Variants in KCNH1 observed in about 807,000 individuals in gnomAD.
KCNH1 encodes voltage-gated delayed rectifier potassium channel KCNH1.
A neutral mutation model predicts 69.2 loss-of-function variants in KCNH1; 27 were observed. That is an observed-to-expected ratio of 0.39 (90% CI 0.29 to 0.54). The LOEUF is 0.54. KCNH1 is among the 20% of genes least tolerant of loss of function. The pLI is 0.68. For synonymous variants in KCNH1, 456 were observed against 487.7 expected, an observed-to-expected ratio of 0.93 and a Z score of 0.86; for missense variants, 798 against 1,261.6, an observed-to-expected ratio of 0.63 and a Z score of 5.57.
At chr1:211,081,175 C>T (rs1349569888) in intron 5 of KCNH1, among the ~76,000 whole-genome samples, 3 of 152,218 alleles carry the variant, frequency 2.0e-5, no homozygotes, top group African/African-American at 4.8e-5. Flanking sequence ...ACAGACACTT[C>T]TCAAACGAAG....
At chr1:210,699,775 A>G (rs1681729625) in intron 10 of KCNH1, among the ~76,000 whole-genome samples, 1 of 152,256 alleles carries the variant, frequency 6.6e-6, no homozygotes, top group South Asian at 2.1e-4. Flanking sequence ...TAACCTAACC[A>G]GATGAGTATA....
At chr1:211,016,349 C>T (rs1468955392) in intron 6 of KCNH1, among the ~76,000 whole-genome samples, 1 of 152,084 alleles carries the variant, frequency 6.6e-6, no homozygotes, top group Non-Finnish European at 1.5e-5. Flanking sequence ...TATAGTTCTG[C>T]CAATTTTTAA....
intron 1 of KCNH1, among the ~76,000 whole-genome samples, chr1:211,107,932 G>A (rs1691388307): frequency 2.6e-5 from 4 of 152,168 alleles, no homozygotes; most frequent in Admixed American, 2.6e-4. Flanking sequence ...CCTTGGTGAG[G>A]AATAGTAACT....
chr1:210,859,917 G>T lies in KCNH1; in HGVS notation c.1463-55751C>A, dbSNP rs184093410. On this transcript the variant is annotated intron_variant, in intron 7 of 10. Coordinates refer to ENST00000271751, the MANE Select transcript of KCNH1 (RefSeq NM_172362.3). ...TAATAGGTATGCATTATAATGTAAAGCTGCAATTGCAACTTGCATACCCAT... is the reference window on the plus strand; with the variant it reads ...TAATAGGTATGCATTATAATGTAAATCTGCAATTGCAACTTGCATACCCAT... 1.3e-5 allele frequency: 18 copies of T among 1,412,178 alleles called. No individual in the cohort carries two copies. In the East Asian group the frequency reaches 3.9e-4, roughly 30 times the overall value. The allele number at this position is 1,412,178 out of a possible 1,614,324, so 87.5% of individuals were successfully genotyped here.
intron 6 of KCNH1, among the ~76,000 whole-genome samples, chr1:210,995,900 T>C (rs911877870): frequency 6.6e-6 from 1 of 152,120 alleles, no homozygotes; most frequent in Non-Finnish European, 1.5e-5. Flanking sequence ...GGGGGCTGAA[T>C]AGAAAAATAT....
chr1:210,808,547 AT>A (rs1016256373), intron 7 of KCNH1, among the ~76,000 whole-genome samples: 1 of 151,574 alleles, frequency 6.6e-6, no homozygotes, highest in Non-Finnish European at 1.5e-5. Context: ...CCCTTCCTTA[AT>A]TTTTTTTCCT....
At chr1:210,861,925 T>A in intron 7 of KCNH1, 1 of 768,820 alleles carries the variant, frequency 1.3e-6, no homozygotes, top group Non-Finnish European at 2.4e-6. Flanking sequence ...GCTTGGATAA[T>A]CACGTTTGGT....
rs771683654 is a variant in KCNH1, at chr1:210,920,082, G to A, written c.1033-13C>T. The A allele has an allele frequency of 6.8e-6, 11 of 1,607,582 alleles. No homozygotes were observed. The highest frequency in any genetic ancestry group is 9.4e-6 in the Non-Finnish European group (11 of 1,176,076). ...GGCTGCTGATGCCCTGGGAGAAGAG[G>A]AACACAGCGTCAGGGCCAAAGAACC... On this transcript the variant is annotated splice_polypyrimidine_tract_variant and intron_variant, in intron 6 of 10. Transcript: ENST00000271751.
chr1:210,948,596 G>T (rs767337993), intron 6 of KCNH1, among the ~76,000 whole-genome samples: 1 of 152,078 alleles, frequency 6.6e-6, no homozygotes, highest in Admixed American at 6.6e-5. Context: ...TTGGGAGGCT[G>T]AGGCGGGCGG....
intron 5 of KCNH1, among the ~76,000 whole-genome samples, chr1:211,077,889 G>C (rs567577035): frequency 1.3e-5 from 2 of 151,700 alleles, no homozygotes; most frequent in South Asian, 4.2e-4. Context: ...ACACATATAG[G>C]CTCAAAATAA....
At chr1:210,942,756 C>G (rs1316201847) in intron 6 of KCNH1, among the ~76,000 whole-genome samples, 2 of 150,846 alleles carry the variant, frequency 1.3e-5, no homozygotes, top group East Asian at 3.9e-4. Context: ...GTCGGTTTCA[C>G]CTGATAAGGT....
chr1:210,873,651 C>A (rs889950640), intron 7 of KCNH1, among the ~76,000 whole-genome samples: 2 of 152,172 alleles, frequency 1.3e-5, no homozygotes, highest in Non-Finnish European at 2.9e-5. Context: ...AGGCATGAGC[C>A]ACCAGGCCCA....
At position 211,107,395 on chromosome 1, in the gene KCNH1, A is replaced by AC. The variant is rs1553380349; in HGVS notation, c.80-19_80-18insG. ...ATTAGTATCTGTTAAAAAAAAAAAA[A>AC]AGGGAAAAAAGGGCACATGAGGCAA... On this transcript the variant is annotated intron_variant, in intron 1 of 10. Transcript: ENST00000271751. The AC allele has an allele frequency of 0.1, 153,019 of 1,484,900 alleles. 2,536 individuals carry two copies. The highest frequency in any genetic ancestry group is 0.15 in the Admixed American group (8,074 of 54,230). The allele number at this position is 1,484,900 out of a possible 1,614,324, so 92.0% of individuals were successfully genotyped here.
chr1:210,690,382 G>C (rs539521109), intron 10 of KCNH1, among the ~76,000 whole-genome samples: 3 of 152,260 alleles, frequency 2.0e-5, no homozygotes, highest in Admixed American at 1.3e-4. Flanking sequence ...TGCTGGTGCT[G>C]ACTCAGGCAC....
At chr1:210,761,714 A>G (rs138117926) in intron 10 of KCNH1, among the ~76,000 whole-genome samples, 1 of 152,342 alleles carries the variant, frequency 6.6e-6, no homozygotes, top group African/African-American at 2.4e-5. Context: ...AAATATATAT[A>G]CAATTAAAAT....
intron 6 of KCNH1, among the ~76,000 whole-genome samples, chr1:210,968,491 A>C (rs1334748667): frequency 2.1e-4 from 30 of 141,480 alleles, no homozygotes; most frequent in African/African-American, 8.1e-4. Context: ...CCAACAGTGT[A>C]AAAGTGTTCC....
chr1:210,842,993 A>G (rs1685442570), intron 7 of KCNH1, among the ~76,000 whole-genome samples: 1 of 152,178 alleles, frequency 6.6e-6, no homozygotes, highest in Non-Finnish European at 1.5e-5. Context: ...CACTACATAT[A>G]TTAACAAGCC....
rs556824276 is a variant in KCNH1 at position 210,940,739 on chromosome 1, A to G, written c.1033-20670T>C. Among the ~76,000 whole-genome samples, 186 of 152,372 alleles carry G rather than the reference A, an allele frequency of 1.2e-3. 1 individual carries two copies. Among genetic ancestry groups the G allele is most frequent in the Middle Eastern group, 0.01 (3 of 294 alleles). The stretch of plus-strand genomic sequence containing the variant: ...ATTGGCCAAATAAAATCCAAAGGAC[A>G]CAGAAAAGAGAATCTGGTTTTATCA... On this transcript the variant is annotated intron_variant, in intron 6 of 10. Coordinates refer to ENST00000271751, the MANE Select transcript of KCNH1 (RefSeq NM_172362.3).
chr1:210,900,922 C>G (rs1201192825), intron 7 of KCNH1, among the ~76,000 whole-genome samples: 1 of 152,056 alleles, frequency 6.6e-6, no homozygotes, highest in East Asian at 1.9e-4. Context: ...ATTACCCTAG[C>G]AAAAATAAAA....
Sources: allele counts gnomAD v4.1 joint callset (sites outside exome capture counted in the v4.1 genomes callset), GRCh38; gene constraint gnomAD v4.1.1; transcripts MANE v1.5; gene names NCBI Gene and HGNC (gene_info 2026-07-23, HGNC 2026-07-21).